The following CASK variants were observed in gnomAD, a reference collection of about 807,000 sequenced individuals.
CASK encodes the protein calcium/calmodulin dependent serine protein kinase.
CASK carries 4 observed loss-of-function variants against 82.9 expected under a neutral mutation model. The observed-to-expected ratio is 0.05, with a 90% CI of 0.02 to 0.11. The LOEUF is 0.11. Among genes scored for constraint, CASK ranks in the 10% least tolerant of loss-of-function variants. The probability of loss-of-function intolerance (pLI) is 1.00; values close to 1 mark genes in which losing one functional copy is unlikely to be tolerated. For missense variants in CASK, 358 were observed against 720.9 expected (o/e 0.50, Z 5.76); for synonymous variants, 259 against 253.5 (o/e 1.02, Z -0.20).
intron 11 of CASK, among the ~76,000 whole-genome samples, chrX:41,619,763 T>C (rs1207963177): frequency 8.9e-6 from 1 of 112,103 alleles, no homozygotes; most frequent in Non-Finnish European, 1.9e-5. Flanking sequence ...GAGTATGTCT[T>C]AAAAGTTTTT....
intron 12 of CASK, among the ~76,000 whole-genome samples, chrX:41,606,661 G>A (rs2065968406): frequency 9.0e-6 from 1 of 110,571 alleles, no homozygotes; most frequent in African/African-American, 3.3e-5. Context: ...GCTCATGTAT[G>A]GCACCTGTTT....
At chrX:41,870,357 T>C (rs778286108) in intron 1 of CASK, among the ~76,000 whole-genome samples, 3 of 111,828 alleles carry the variant, frequency 2.7e-5, no homozygotes, top group Non-Finnish European at 3.8e-5. Flanking sequence ...GCCATCCAAA[T>C]AATTTTATAA....
At chrX:41,674,639 G>A (rs2067242489) in intron 5 of CASK, among the ~76,000 whole-genome samples, 1 of 111,021 alleles carries the variant, frequency 9.0e-6, no homozygotes, top group African/African-American at 3.3e-5. Flanking sequence ...CACGGGACAT[G>A]GAAACAGTAG....
intron 5 of CASK, among the ~76,000 whole-genome samples, chrX:41,690,580 C>T (rs1435556037): frequency 9.5e-6 from 1 of 105,639 alleles, no homozygotes; most frequent in African/African-American, 3.5e-5. Flanking sequence ...AGGCTGGTCT[C>T]GAATTCCTGG....
chrX:41,535,106 T>C (rs916479677), intron 22 of CASK, 133 bp from the exon 23 acceptor site: 171 of 466,611 alleles, frequency 3.7e-4, no homozygotes, highest in Non-Finnish European at 4.1e-5. Flanking sequence ...ACTTATGATA[T>C]ATGGCTTACA....
chrX:41,671,414 TA>T lies in CASK; in HGVS notation c.532+13del. 2 of 1,058,195 alleles carry T rather than the reference TA, an allele frequency of 1.9e-6. No individual in the cohort carries two copies. The highest frequency in any genetic ancestry group is 2.6e-6 in the Non-Finnish European group (2 of 756,566). 87.2% of individuals were successfully genotyped at this position (1,058,195 alleles called of 1,213,427 possible). A position where few individuals can be genotyped will look rare whatever the true frequency, so the allele number is the denominator to read the frequency against. ...CAGGTTTTGAAGAATTTTTTTTTTT[TA>T]AAGCAGTCTTACCTCCAGCTACAAG... On this transcript the variant is annotated intron_variant, in intron 6 of 26. Transcript: ENST00000378163.
chrX:41,846,600 A>G (rs1195676546), intron 2 of CASK, among the ~76,000 whole-genome samples: 1 of 111,908 alleles, frequency 8.9e-6, no homozygotes, highest in Non-Finnish European at 1.9e-5. Flanking sequence ...CTGAAAGAAT[A>G]TAACTGGATT....
chrX:41,771,911 C>T lies in CASK; in HGVS notation c.278+15267G>A, dbSNP rs145644865. Among the ~76,000 whole-genome samples, 1,072 of 110,565 alleles carry T rather than the reference C, an allele frequency of 9.7e-3. 6 individuals are homozygous for T. Among genetic ancestry groups the T allele is most frequent in the Non-Finnish European group, 0.014 (738 of 52,869 alleles). On this transcript the variant is annotated intron_variant, in intron 3 of 26. Transcript: ENST00000378163. ...GACTGGAATAAAACACAACTATATG[C>T]CTTTAACAAGAGGTACAAATAAAAC...
chrX:41,859,778 A>G (rs1330719326), intron 1 of CASK, among the ~76,000 whole-genome samples: 1 of 111,416 alleles, frequency 9.0e-6, no homozygotes, highest in Non-Finnish European at 1.9e-5. Context: ...TATTACATGC[A>G]GTATCTTTAA....
At chrX:41,881,680 T>C (rs180838893) in intron 1 of CASK, among the ~76,000 whole-genome samples, 1 of 112,062 alleles carries the variant, frequency 8.9e-6, no homozygotes, top group African/African-American at 3.2e-5. Flanking sequence ...TCTGACATCA[T>C]ACCAAAGGTG....
At position 41,671,456 on chromosome X, in the gene CASK, T is replaced by C. The variant is rs2067196926; in HGVS notation, c.504A>G (p.Gln168=). The change falls in exon 6 of 27, where the codon CAA becomes CAG. Residue 168 remains glutamine, a synonymous_variant. Transcript: ENST00000378163. ...VKLGGFGVAI[Q]LGESGLVAGG... ...CAGCTACAAGTCCAGACTCCCCTAA[T>C]TGAATAGCTACCCCAAAGCCTCCAA... 8.3e-7 allele frequency: 1 copy of C among 1,202,795 alleles called. No individual in the cohort carries two copies. Among genetic ancestry groups the C allele is most frequent in the East Asian group, 3.0e-5 (1 of 33,779 alleles).
chrX:41,876,548 T>C (rs1174424731), intron 1 of CASK, among the ~76,000 whole-genome samples: 1 of 112,010 alleles, frequency 8.9e-6, no homozygotes, highest in Non-Finnish European at 1.9e-5. Flanking sequence ...AGATTTCAGT[T>C]GCCTTATATG....
At chrX:41,613,784 T>C (rs2066146434) in intron 11 of CASK, among the ~76,000 whole-genome samples, 1 of 111,590 alleles carries the variant, frequency 9.0e-6, no homozygotes, top group Non-Finnish European at 1.9e-5. Context: ...TTACAGTTGT[T>C]ATCTTTACTG....
At chrX:41,823,055 G>A (rs931558112) in intron 2 of CASK, among the ~76,000 whole-genome samples, 1 of 105,385 alleles carries the variant, frequency 9.5e-6, no homozygotes, top group Non-Finnish European at 2.0e-5. Flanking sequence ...GAGGGGCCTT[G>A]AGGCAGCCTA....
At chrX:41,746,095 C>T (rs1209650558) in intron 3 of CASK, among the ~76,000 whole-genome samples, 2 of 111,884 alleles carry the variant, frequency 1.8e-5, no homozygotes, top group Non-Finnish European at 3.8e-5. Context: ...CACTGCCATT[C>T]CCAAAGTTCA....
At chrX:41,858,776 A>G (rs768570964) in intron 1 of CASK, among the ~76,000 whole-genome samples, 9 of 111,292 alleles carry the variant, frequency 8.1e-5, no homozygotes, top group Non-Finnish European at 1.7e-4. Context: ...ACTCAGTTCT[A>G]AAAGATTAAA....
chrX:41,844,752 T>C (rs900294387), intron 2 of CASK, among the ~76,000 whole-genome samples: 9 of 111,872 alleles, frequency 8.0e-5, no homozygotes, highest in Non-Finnish European at 1.7e-4. Context: ...TTAGTTTTCT[T>C]TTCCAGTTTC....
intron 5 of CASK, among the ~76,000 whole-genome samples, chrX:41,720,202 C>T (rs1365506212): frequency 8.8e-6 from 1 of 113,239 alleles, no homozygotes; most frequent in East Asian, 2.8e-4. Flanking sequence ...GAAACCAGCT[C>T]TTCAGAACAA....
intron 11 of CASK, among the ~76,000 whole-genome samples, chrX:41,610,658 C>T (rs180747002): frequency 3.9e-4 from 44 of 111,430 alleles, no homozygotes; most frequent in African/African-American, 1.2e-3. Flanking sequence ...AGTATAGGGA[C>T]GCTGACTGAC....
Sources: gnomAD v4.1 joint callset for allele counts (sites outside exome capture counted in the v4.1 genomes callset) on GRCh38, gnomAD v4.1.1 for gene constraint, MANE v1.5 for transcripts, NCBI Gene and HGNC (gene_info 2026-07-23, HGNC 2026-07-21) for gene names.